Variants in PCDH11X observed in about 807,000 individuals in gnomAD.
PCDH11X encodes the protein protocadherin-11 X-linked.
PCDH11X carries 18 observed loss-of-function variants against 53.3 expected under a neutral mutation model. The ratio of observed to expected loss-of-function variants is 0.34; its 90% CI spans 0.23 to 0.50. PCDH11X has a LOEUF of 0.50. Among genes scored for constraint, PCDH11X ranks in the 20% least tolerant of loss-of-function variants. The pLI is 0.98. For missense variants in PCDH11X, 570 were observed against 1,032.4 expected (o/e 0.55, Z 6.14); for synonymous variants, 279 against 393.3 (o/e 0.71, Z 3.44).
At chrX:92,616,563 T>G (rs1927986762) in intron 10 of PCDH11X, among the ~76,000 whole-genome samples, 1 of 112,171 alleles carries the variant, frequency 8.9e-6, no homozygotes, top group South Asian at 3.7e-4. Context: ...CTGGACTGAT[T>G]ATTCTATTTT....
Position 92,350,417 on chromosome X carries a change from G to T in PCDH11X, c.3145-37318G>T, listed in dbSNP as rs1191739450. Among the ~76,000 whole-genome samples the T allele has an allele frequency of 7.2e-5, 8 of 111,237 alleles. No homozygotes were observed. The East Asian group carries it at 2.3e-3, about 32-fold the overall frequency. ...TGTTCAGATTCTTTTGCCTCCTGGG[G>T]TTTTCCCTTGATGTAGTAGTCTCCC... On this transcript the variant is annotated intron_variant, in intron 8 of 10. Transcript: ENST00000682573.
At chrX:91,788,029 A>G (rs1935391575) in intron 1 of PCDH11X, among the ~76,000 whole-genome samples, 2 of 111,720 alleles carry the variant, frequency 1.8e-5, no homozygotes, top group South Asian at 7.6e-4. Flanking sequence ...CAGGGATGAG[A>G]TATGAGTGCT....
At chrX:92,113,959 C>A in intron 6 of PCDH11X, 1 of 1,207,380 alleles carries the variant, frequency 8.3e-7, no homozygotes, top group Non-Finnish European at 1.1e-6. Flanking sequence ...TAGGTATCTC[C>A]GGTTAAGCAT....
intron 6 of PCDH11X, among the ~76,000 whole-genome samples, chrX:92,149,714 A>G (rs2065399320): frequency 9.0e-6 from 1 of 111,108 alleles, no homozygotes; most frequent in Non-Finnish European, 1.9e-5. Context: ...TGTCATAACT[A>G]AAAGTTTCCT....
intron 6 of PCDH11X, among the ~76,000 whole-genome samples, chrX:92,043,384 T>G (rs772651669): frequency 9.3e-6 from 1 of 107,815 alleles, no homozygotes; most frequent in African/African-American, 3.5e-5. Flanking sequence ...ACTGAAAGCC[T>G]AAAAGATCTC....
chrX:92,201,353 T>C, intron 6 of PCDH11X, 22 bp from the exon 7 acceptor site: 1 of 1,181,454 alleles, frequency 8.5e-7, no homozygotes. Flanking sequence ...TTAAAATACT[T>C]CTATTTTCTT....
chrX:92,051,989 T>A (rs1315414480), intron 6 of PCDH11X, among the ~76,000 whole-genome samples: 1 of 108,538 alleles, frequency 9.2e-6, no homozygotes, highest in African/African-American at 3.4e-5. Context: ...TTAGTCTCCA[T>A]CCAGTTCCAG....
In PCDH11X at chrX:92,353,726, C is replaced by T. The variant is rs1332834175; in HGVS notation, c.3145-34009C>T. 8.3e-5 allele frequency among the ~76,000 whole-genome samples: 9 copies of T among 108,646 alleles called. No homozygotes were observed. In the East Asian group the frequency reaches 2.1e-3, roughly 25 times the overall value. The allele number at this position is 108,646 out of a possible 115,157, so 94.3% of individuals were successfully genotyped here. A position where few individuals can be genotyped will look rare whatever the true frequency, so the allele number is the denominator to read the frequency against. On this transcript the variant is annotated intron_variant, in intron 8 of 10. Transcript: ENST00000682573. ...CATTTCTTTAGCTATCTTTAACATT[C>T]ACATCGAATAATTTTCTAAGATCTG...
intron 6 of PCDH11X, among the ~76,000 whole-genome samples, chrX:92,117,411 G>A (rs2064662358): frequency 9.5e-6 from 1 of 105,686 alleles, no homozygotes; most frequent in African/African-American, 3.5e-5. Context: ...TACTCCAGCC[G>A]GGGTGAAACA....
chrX:91,917,150 A>G (rs1052326415), intron 6 of PCDH11X, among the ~76,000 whole-genome samples: 1 of 110,665 alleles, frequency 9.0e-6, no homozygotes, highest in South Asian at 3.9e-4. Context: ...TTGGCATACA[A>G]AGGACATACC....
chrX:92,366,930 G>A (rs1423302871), intron 8 of PCDH11X, among the ~76,000 whole-genome samples: 1 of 110,641 alleles, frequency 9.0e-6, no homozygotes, highest in African/African-American at 3.3e-5. Flanking sequence ...GTCAGTTTTA[G>A]AATAAGTGCT....
At chrX:92,599,905 A>G (rs978180341) in intron 10 of PCDH11X, among the ~76,000 whole-genome samples, 2 of 111,286 alleles carry the variant, frequency 1.8e-5, no homozygotes, top group Non-Finnish European at 3.8e-5. Flanking sequence ...GATTATTGCT[A>G]TGCTTTAGCA....
rs368070387 is a variant in PCDH11X, at chrX:92,305,277, G to A, written c.3144+42134G>A. 1.8e-4 allele frequency among the ~76,000 whole-genome samples: 20 copies of A among 109,617 alleles called. No homozygotes were observed. In the South Asian group the frequency reaches 4.4e-3, roughly 24 times the overall value. On this transcript the variant is annotated intron_variant, in intron 8 of 10. Coordinates refer to ENST00000682573, the MANE Select transcript of PCDH11X (RefSeq NM_032968.5). The stretch of plus-strand genomic sequence containing the variant: ...ACATATGGGTAACAAAGTTACCACA[G>A]ATGGGGTAACTTAAATGATAGGAAT...
intron 8 of PCDH11X, among the ~76,000 whole-genome samples, chrX:92,379,699 G>T (rs2070829746): frequency 9.2e-6 from 1 of 108,939 alleles, no homozygotes; most frequent in Non-Finnish European, 1.9e-5. Context: ...CCTGCCTATG[G>T]CTGTCCATGG....
At chrX:91,787,678 C>G (rs1441541493) in intron 1 of PCDH11X, among the ~76,000 whole-genome samples, 1 of 110,510 alleles carries the variant, frequency 9.0e-6, no homozygotes, top group Non-Finnish European at 1.9e-5. Flanking sequence ...TGGCTCTGCA[C>G]GTATTATCAA....
intron 10 of PCDH11X, among the ~76,000 whole-genome samples, chrX:92,582,130 A>G (rs113776498): frequency 0.031 from 2,817 of 90,953 alleles, 153 homozygotes; most frequent in African/African-American, 0.1. Flanking sequence ...GATAGAAAAG[A>G]AAAATCCATT....
chrX:92,378,367 T>C (rs766028927), intron 8 of PCDH11X, among the ~76,000 whole-genome samples: 1 of 109,261 alleles, frequency 9.2e-6, no homozygotes, highest in East Asian at 2.9e-4. Flanking sequence ...TCTAAAATTG[T>C]TCTAATTAGG....
chrX:92,268,462 T>G (rs1216914623), intron 8 of PCDH11X, among the ~76,000 whole-genome samples: 1 of 111,198 alleles, frequency 9.0e-6, no homozygotes, highest in Admixed American at 9.6e-5. Context: ...CAACAATTTT[T>G]TGTATTTTTT....
intron 6 of PCDH11X, among the ~76,000 whole-genome samples, chrX:91,934,678 G>A (rs1028045131): frequency 9.7e-6 from 1 of 102,652 alleles, no homozygotes; most frequent in African/African-American, 3.5e-5. Context: ...ATTCTACTTT[G>A]GAGTACCTTA....
Sources: allele counts gnomAD v4.1 joint callset (sites outside exome capture counted in the v4.1 genomes callset), GRCh38; gene constraint gnomAD v4.1.1; transcripts MANE v1.5; gene names NCBI Gene and HGNC (gene_info 2026-07-23, HGNC 2026-07-21).